KCNG2: variants seen among roughly 807,000 people sequenced by gnomAD.
KCNG2 encodes voltage-gated potassium channel regulatory subunit KCNG2.
A neutral mutation model predicts 12.3 loss-of-function variants in KCNG2; 7 were observed. The ratio of observed to expected loss-of-function variants is 0.57; its 90% confidence interval spans 0.32 to 1.07. KCNG2 has a LOEUF of 1.07. KCNG2 is among the 50% of genes least tolerant of loss of function. The probability of loss-of-function intolerance (pLI) is 0.04; values close to 1 mark genes in which losing one functional copy is unlikely to be tolerated. For synonymous variants in KCNG2, 414 were observed against 351.4 expected (o/e 1.18, Z -1.99); for missense variants, 703 against 726.0 (o/e 0.97, Z 0.36).
At chr18:79,851,200 T>C (rs1295939303) in intron 1 of KCNG2, among the ~76,000 whole-genome samples, 1 of 152,206 alleles carries the variant, frequency 6.6e-6, no homozygotes, top group Non-Finnish European at 1.5e-5. Context: ...GGAGATGTGC[T>C]CTGCTACAAG....
Position 79,863,780 on chromosome 18 carries a change from G to A in KCNG2, c.113G>A (p.Cys38Tyr), listed in dbSNP as rs1394079655. The A allele has an allele frequency of 1.5e-5, 19 of 1,272,088 alleles. No individual in the cohort carries two copies. Among genetic ancestry groups the A allele is most frequent in the Non-Finnish European group, 1.7e-5 (17 of 1,003,790 alleles). The allele number at this position is 1,272,088 out of a possible 1,614,324, so 78.8% of individuals were successfully genotyped here. The change falls in exon 3 of 4, where the codon TGC (cysteine) becomes TAC (tyrosine). Residue 38 changes from cysteine (C) to tyrosine (Y), a missense_variant. By Grantham distance (194) the Cys-to-Tyr change is radical (BLOSUM62 -2). Coordinates refer to ENST00000316249, the MANE Select transcript of KCNG2 (RefSeq NM_012283.2). ...VRLAWAALAR[C>Y]PLARLERLRA... ...CTGGCATGGGCCGCGCTGGCGCGAT[G>A]CCCCCTCGCGCGCCTGGAGCGCCTG...
intron 1 of KCNG2, among the ~76,000 whole-genome samples, chr18:79,845,695 CAA>C (rs1978599238): frequency 6.6e-6 from 1 of 152,154 alleles, no homozygotes; most frequent in Non-Finnish European, 1.5e-5. Context: ...TGAACAGAAC[CAA>C]AACCTTGCTA....
At chr18:79,853,563 C>A (rs4564647) in intron 1 of KCNG2, among the ~76,000 whole-genome samples, 137,785 of 152,174 alleles carry the variant, frequency 0.91, 64,030 homozygotes, top group East Asian at 1. Context: ...CCCCTCTGAT[C>A]GCTGAGCTGG....
In KCNG2 at chr18:79,861,647, G is replaced by A. The variant is rs1979225802; in HGVS notation, c.-40-1981G>A. Among the ~76,000 whole-genome samples, 3 of 152,186 alleles carry A rather than the reference G, an allele frequency of 2.0e-5. No individual in the cohort carries two copies. In the South Asian group the frequency reaches 6.2e-4, roughly 32 times the overall value. On this transcript the variant is annotated intron_variant, in intron 2 of 3. Coordinates refer to ENST00000316249, the MANE Select transcript of KCNG2 (RefSeq NM_012283.2). ...GAATTTATCTTACTTGGAGTTTGTT[G>A]AGTTTCTTAGATGTGTAGATTAATG...
chr18:79,897,834 C>T (rs1172673867), intron 3 of KCNG2, among the ~76,000 whole-genome samples: 1 of 152,054 alleles, frequency 6.6e-6, no homozygotes, highest in South Asian at 2.1e-4. Flanking sequence ...AGTGTGCCAC[C>T]GTCACCCTGG....
chr18:79,899,431 T>C lies in KCNG2; in HGVS notation c.1016T>C (p.Leu339Pro), dbSNP rs1203001078. Reference protein sequence around the residue: ...LCVAMALFAPLVHLAERELGA... With the variant: ...LCVAMALFAPPVHLAERELGA... ...GTGGCCATGGCGCTCTTCGCGCCAC[T>C]GGTGCACCTGGCCGAGCGCGAGCTG... The change falls in exon 4 of 4, where the codon CTG (leucine) becomes CCG (proline). Residue 339 changes from leucine (L) to proline (P), a missense_variant. Transcript: ENST00000316249. 1 of 1,594,412 alleles carries C rather than the reference T, an allele frequency of 6.3e-7. No individual in the cohort carries two copies. The highest frequency in any genetic ancestry group is 2.3e-5 in the East Asian group (1 of 44,004).
chr18:79,899,752 G>A lies in KCNG2; in HGVS notation c.1337G>A (p.Gly446Asp), dbSNP rs1448905672. Residue 446 changes from glycine (G) to aspartate (D), a missense_variant, in exon 4 of 4, where the codon GGC becomes GAC. Physicochemically the swap from Gly to Asp is moderately conservative, Grantham distance 94. Coordinates refer to ENST00000316249, the MANE Select transcript of KCNG2 (RefSeq NM_012283.2). ...ACAGCCACCGAGGACAGCTCGCAGG[G>A]CCCCGACAGCGCGGGCCTGGCCGAC... ...SATATEDSSQ[G>D]PDSAGLADDS... The A allele has an allele frequency of 8.9e-6, 14 of 1,575,398 alleles. No homozygotes were observed. Among genetic ancestry groups the A allele is most frequent in the Admixed American group, 7.2e-5 (4 of 55,920 alleles).
chr18:79,847,652 A>G (rs971060558), intron 1 of KCNG2, among the ~76,000 whole-genome samples: 34 of 152,348 alleles, frequency 2.2e-4, no homozygotes, highest in Admixed American at 9.1e-4. Context: ...ATTATATCCC[A>G]GTGACTTCTC....
chr18:79,833,692 G>A (rs961086751), intron 1 of KCNG2, among the ~76,000 whole-genome samples: 2 of 152,226 alleles, frequency 1.3e-5, no homozygotes, highest in South Asian at 2.1e-4. Context: ...CAAATATGTG[G>A]TATAAATGCA....
rs941072910 is a variant in KCNG2, at chr18:79,883,539, G to A, written c.625-15501G>A. 2.0e-5 allele frequency among the ~76,000 whole-genome samples: 3 copies of A among 152,204 alleles called. No individual in the cohort carries two copies. In the East Asian group the frequency reaches 5.8e-4, roughly 29 times the overall value. On this transcript the variant is annotated intron_variant, in intron 3 of 3. Coordinates refer to ENST00000316249, the MANE Select transcript of KCNG2 (RefSeq NM_012283.2). Reference sequence around the variant, plus strand: ...GTTTTACGAGTTTATACCCTGCCCCGCCTGGACCACCCTGGGCCCCAGAAC... The same window carrying A: ...GTTTTACGAGTTTATACCCTGCCCCACCTGGACCACCCTGGGCCCCAGAAC...
intron 1 of KCNG2, among the ~76,000 whole-genome samples, chr18:79,828,686 T>C (rs1466101956): frequency 6.6e-6 from 1 of 151,690 alleles, no homozygotes; most frequent in Non-Finnish European, 1.5e-5. Context: ...TGTGTGCGTG[T>C]GTCCGTCTAC....
At chr18:79,839,731 T>C (rs1978403771) in intron 1 of KCNG2, among the ~76,000 whole-genome samples, 1 of 152,208 alleles carries the variant, frequency 6.6e-6, no homozygotes, top group Admixed American at 6.5e-5. Context: ...TTCTAAAACC[T>C]TATTAAATAT....
chr18:79,830,327 G>A (rs1207868026), intron 1 of KCNG2, among the ~76,000 whole-genome samples: 1 of 152,198 alleles, frequency 6.6e-6, no homozygotes, highest in East Asian at 1.9e-4. Flanking sequence ...TTTGAAAGGG[G>A]CGCCTGTGAC....
At chr18:79,848,001 A>AG (rs936544458) in intron 1 of KCNG2, among the ~76,000 whole-genome samples, 7 of 152,190 alleles carry the variant, frequency 4.6e-5, no homozygotes, top group African/African-American at 1.4e-4. Context: ...GTGGATTGGC[A>AG]GGGGGGAATC....
intron 1 of KCNG2, among the ~76,000 whole-genome samples, chr18:79,851,498 G>A (rs1020095777): frequency 7.2e-5 from 11 of 152,148 alleles, no homozygotes; most frequent in African/African-American, 2.7e-4. Flanking sequence ...ACACTCAGAG[G>A]ATGCACATGA....
intron 3 of KCNG2, among the ~76,000 whole-genome samples, chr18:79,869,015 T>G (rs1979721831): frequency 6.6e-6 from 1 of 152,188 alleles, no homozygotes; most frequent in South Asian, 2.1e-4. Context: ...ACGGGTCGGC[T>G]TCCACAGGGT....
chr18:79,891,476 C>T (rs1010713113), intron 3 of KCNG2, among the ~76,000 whole-genome samples: 1 of 152,158 alleles, frequency 6.6e-6, no homozygotes, highest in African/African-American at 2.4e-5. Context: ...AGTGATCCTC[C>T]TGCCTCGGCC....
intron 1 of KCNG2, among the ~76,000 whole-genome samples, chr18:79,799,406 C>T (rs1002802038): frequency 6.6e-6 from 1 of 152,052 alleles, no homozygotes; most frequent in East Asian, 1.9e-4. Flanking sequence ...AAGGTTCTTC[C>T]TTAGGAATTC....
At chr18:79,806,908 C>A (rs1339159652) in intron 1 of KCNG2, among the ~76,000 whole-genome samples, 1 of 152,204 alleles carries the variant, frequency 6.6e-6, no homozygotes, top group African/African-American at 2.4e-5. Flanking sequence ...AGAGAAAATG[C>A]ATACATGGAA....
Sources: gnomAD v4.1 joint callset for allele counts (sites outside exome capture counted in the v4.1 genomes callset) on GRCh38, gnomAD v4.1.1 for gene constraint, MANE v1.5 for transcripts, NCBI Gene and HGNC (gene_info 2026-07-23, HGNC 2026-07-21) for gene names.